Variants in CNTN4 observed in about 807,000 individuals in gnomAD.
CNTN4 encodes contactin-4.
A neutral mutation model predicts 122.5 loss-of-function variants in CNTN4; 77 were observed. The ratio of observed to expected loss-of-function variants is 0.63; its 90% CI spans 0.52 to 0.76. CNTN4 has a LOEUF of 0.76. Ranked by LOEUF, CNTN4 falls within the 30% of genes least tolerant of loss-of-function variation. The pLI is 0.00. For missense variants in CNTN4, 1,256 were observed against 1,259.1 expected, an observed-to-expected ratio of 1.00 and a Z score of 0.04; for synonymous variants, 512 against 447.0, an observed-to-expected ratio of 1.15 and a Z score of -1.83.
chr3:2,912,132 A>C (rs1196902112), intron 12 of CNTN4, among the ~76,000 whole-genome samples: 1 of 152,192 alleles, frequency 6.6e-6, no homozygotes, highest in Non-Finnish European at 1.5e-5. Context: ...ACACTGAGAC[A>C]CATTATAATC....
intron 14 of CNTN4, among the ~76,000 whole-genome samples, chr3:2,997,004 T>A (rs1488411074): frequency 6.6e-6 from 1 of 152,234 alleles, no homozygotes; most frequent in Non-Finnish European, 1.5e-5. Flanking sequence ...GTCATCTTCC[T>A]TCTGTCATCC....
chr3:2,344,215 C>T (rs148650946), intron 3 of CNTN4, among the ~76,000 whole-genome samples: 1 of 152,096 alleles, frequency 6.6e-6, no homozygotes, highest in East Asian at 1.9e-4. Context: ...CATTCAAATC[C>T]ACACACACTG....
chr3:2,320,346 GA>G (rs1221258651), intron 2 of CNTN4, among the ~76,000 whole-genome samples: 1 of 152,116 alleles, frequency 6.6e-6, no homozygotes, highest in East Asian at 1.9e-4. Context: ...AATTATAACA[GA>G]AATAGTAATA....
chr3:2,364,987 A>T (rs2045315757), intron 3 of CNTN4, among the ~76,000 whole-genome samples: 1 of 152,112 alleles, frequency 6.6e-6, no homozygotes, highest in Non-Finnish European at 1.5e-5. Context: ...TCCGTTGGGG[A>T]TAAGGAAGTT....
At chr3:3,037,655 A>G in intron 18 of CNTN4, 1 of 375,408 alleles carries the variant, frequency 2.7e-6, no homozygotes, top group Non-Finnish European at 5.1e-6. Context: ...CCACATTTCA[A>G]ATAAAATTAT....
chr3:2,743,064 G>A (rs1184679859), intron 5 of CNTN4, among the ~76,000 whole-genome samples: 2 of 152,188 alleles, frequency 1.3e-5, no homozygotes, highest in Non-Finnish European at 2.9e-5. Context: ...GATGACTAGT[G>A]TAGGAAAACC....
intron 3 of CNTN4, among the ~76,000 whole-genome samples, chr3:2,548,278 G>C (rs903902514): frequency 2.0e-5 from 3 of 152,074 alleles, no homozygotes; most frequent in African/African-American, 7.2e-5. Context: ...GTATTGCCTA[G>C]GTTTTCTTCT....
chr3:2,287,571 T>A (rs113011154), intron 2 of CNTN4, among the ~76,000 whole-genome samples: 2 of 150,052 alleles, frequency 1.3e-5, no homozygotes, highest in East Asian at 2.0e-4. Context: ...CCACTGCACT[T>A]TAGCCTGGAT....
At position 2,353,864 on chromosome 3, in the gene CNTN4, A is replaced by C. The variant is rs571841847; in HGVS notation, c.-89+14631A>C. Among the ~76,000 whole-genome samples the C allele has an allele frequency of 1.2e-4, 19 of 152,156 alleles. No individual in the cohort carries two copies. The South Asian group carries it at 2.1e-3, about 17-fold the overall frequency. On this transcript the variant is annotated intron_variant, in intron 3 of 24. Coordinates refer to ENST00000418658, the MANE Select transcript of CNTN4 (RefSeq NM_175607.3). The stretch of plus-strand genomic sequence containing the variant: ...CAGTGAGCCAAGATGGCGCCACCGC[A>C]CTCCAGCCTGGGCGACAGAGCGAGA...
intron 6 of CNTN4, among the ~76,000 whole-genome samples, chr3:2,778,180 C>T: frequency 7.1e-6 from 1 of 140,936 alleles, no homozygotes; most frequent in Non-Finnish European, 1.5e-5. Context: ...CGCCACTGCA[C>T]TCCAGCCTGG....
intron 6 of CNTN4, among the ~76,000 whole-genome samples, chr3:2,778,071 G>A (rs571650345): frequency 3.0e-4 from 44 of 148,152 alleles, no homozygotes; most frequent in South Asian, 4.5e-4. Context: ...AAAATTAGCC[G>A]GGCGTGGTGG....
chr3:2,858,947 G>C (rs2093645212), intron 7 of CNTN4, among the ~76,000 whole-genome samples: 1 of 152,146 alleles, frequency 6.6e-6, no homozygotes, highest in Non-Finnish European at 1.5e-5. Context: ...CAATTTTCAA[G>C]AATAGAATAC....
intron 2 of CNTN4, among the ~76,000 whole-genome samples, chr3:2,104,341 T>C (rs2032255448): frequency 6.6e-6 from 1 of 152,052 alleles, no homozygotes; most frequent in South Asian, 2.1e-4. Flanking sequence ...TCAGCCAAAT[T>C]CCACAGGGCC....
At chr3:2,299,281 T>G (rs977960660) in intron 2 of CNTN4, among the ~76,000 whole-genome samples, 1 of 152,196 alleles carries the variant, frequency 6.6e-6, no homozygotes, top group Non-Finnish European at 1.5e-5. Context: ...TGGGGAATGT[T>G]TTTATTAAAT....
At chr3:2,858,466 C>A (rs976752428) in intron 7 of CNTN4, among the ~76,000 whole-genome samples, 1 of 152,324 alleles carries the variant, frequency 6.6e-6, no homozygotes, top group African/African-American at 2.4e-5. Context: ...TGGCTCACAC[C>A]TGTAATCCCA....
chr3:2,287,953 A>T (rs1445784350), intron 2 of CNTN4, among the ~76,000 whole-genome samples: 3 of 152,188 alleles, frequency 2.0e-5, no homozygotes, highest in Non-Finnish European at 4.4e-5. Flanking sequence ...GAGAATAAAG[A>T]TCTCATTTTT....
intron 2 of CNTN4, among the ~76,000 whole-genome samples, chr3:2,236,622 A>G (rs953197787): frequency 6.6e-6 from 1 of 152,218 alleles, no homozygotes; most frequent in Non-Finnish European, 1.5e-5. Context: ...AATAATGTTA[A>G]TTATTTCCCT....
At chr3:2,314,184 C>T (rs1256318684) in intron 2 of CNTN4, among the ~76,000 whole-genome samples, 2 of 151,586 alleles carry the variant, frequency 1.3e-5, no homozygotes, top group African/African-American at 4.8e-5. Flanking sequence ...TAATAATTTG[C>T]CAAAGAACAT....
At chr3:2,177,857 A>C (rs2036825736) in intron 2 of CNTN4, among the ~76,000 whole-genome samples, 1 of 152,144 alleles carries the variant, frequency 6.6e-6, no homozygotes, top group South Asian at 2.1e-4. Context: ...GTGTTTGACC[A>C]AACAACTGGG....
Sources: gnomAD v4.1 joint callset for allele counts (sites outside exome capture counted in the v4.1 genomes callset) on GRCh38, gnomAD v4.1.1 for gene constraint, MANE v1.5 for transcripts, NCBI Gene and HGNC (gene_info 2026-07-23, HGNC 2026-07-21) for gene names.